COL24A1: variants seen among roughly 807,000 people sequenced by gnomAD.
COL24A1 encodes collagen type XXIV alpha 1 chain.
Under a neutral mutation model 253.9 loss-of-function variants are expected in COL24A1, and 224 were observed. The ratio of observed to expected loss-of-function variants is 0.88; its 90% CI spans 0.79 to 0.99. COL24A1 has a LOEUF of 0.99. COL24A1 is among the 50% of genes least tolerant of loss of function. COL24A1 has a pLI of 0.00. For missense variants in COL24A1, 2,131 were observed against 2,068.5 expected (o/e 1.03, Z -0.59); for synonymous variants, 685 against 673.7 (o/e 1.02, Z -0.26).
Position 85,730,473 on chromosome 1 carries a change from T to C in COL24A1, c.*73A>G, listed in dbSNP as rs374890650. ...TTACATGCATTTCATAATGACTGTATCTGTCTGTCTTATTTCTCCCTCTGC... is the reference window on the plus strand; with the variant it reads ...TTACATGCATTTCATAATGACTGTACCTGTCTGTCTTATTTCTCCCTCTGC... On this transcript the variant is annotated 3_prime_UTR_variant, in exon 60 of 60. Transcript: ENST00000370571. The C allele has an allele frequency of 8.0e-6, 12 of 1,493,158 alleles. No homozygotes were observed. In the East Asian group the frequency reaches 1.6e-4, roughly 20 times the overall value. 92.5% of individuals were successfully genotyped at this position (1,493,158 alleles called of 1,614,324 possible).
intron 4 of COL24A1, 118 bp downstream of exon 4, chr1:86,115,207 T>C (rs576673414): frequency 3.2e-6 from 3 of 940,182 alleles, no homozygotes; most frequent in Admixed American, 5.4e-5. Flanking sequence ...AAGGTAGGAC[T>C]AAGTTTGAAG....
chr1:86,139,732 T>C (rs1333824764), intron 2 of COL24A1, among the ~76,000 whole-genome samples: 1 of 152,194 alleles, frequency 6.6e-6, no homozygotes, highest in East Asian at 1.9e-4. Context: ...ATCCCAAAGC[T>C]ATATTCTTTC....
chr1:85,957,193 G>T (rs1040963128), intron 24 of COL24A1, among the ~76,000 whole-genome samples: 8 of 152,224 alleles, frequency 5.3e-5, no homozygotes, highest in African/African-American at 1.9e-4. Context: ...CCTGTCAGGG[G>T]ATGGGGTGCA....
chr1:85,818,014 G>T lies in COL24A1; in HGVS notation c.3843+20C>A, dbSNP rs1455702557. 1 of 1,610,378 alleles carries T rather than the reference G, an allele frequency of 6.2e-7. No individual in the cohort carries two copies. The highest frequency in any genetic ancestry group is 1.1e-5 in the South Asian group (1 of 90,896). On this transcript the variant is annotated intron_variant, in intron 46 of 59. Transcript: ENST00000370571. ...TTCCATTTAGAAAAGCAAGAAAGAT[G>T]AAAGAGGCCTGTTACTTACAGGAAT...
chr1:85,799,211 AAAAG>A (rs139787428), intron 47 of COL24A1, among the ~76,000 whole-genome samples: 40,520 of 137,234 alleles, frequency 0.3, 6,480 homozygotes, highest in Non-Finnish European at 0.36. Flanking sequence ...TTGGCCACAT[AAAAG>A]AAAGAAAGAA....
At chr1:86,091,997 A>G (rs924204619) in intron 6 of COL24A1, among the ~76,000 whole-genome samples, 14 of 152,066 alleles carry the variant, frequency 9.2e-5, no homozygotes, top group Non-Finnish European at 2.9e-5. Context: ...TGTAATTTTT[A>G]CCCCATCCAC....
intron 58 of COL24A1, chr1:85,736,630 T>C (rs1259839909): frequency 2.6e-6 from 1 of 384,020 alleles, no homozygotes; most frequent in Non-Finnish European, 5.2e-6. Flanking sequence ...GGCGGTTCAA[T>C]AAGAAGCAGC....
At chr1:86,024,229 T>A (rs1425824196) in intron 14 of COL24A1, among the ~76,000 whole-genome samples, 2 of 152,166 alleles carry the variant, frequency 1.3e-5, no homozygotes, top group Non-Finnish European at 2.9e-5. Flanking sequence ...TTACCAGTAC[T>A]AGAATGCACT....
In COL24A1 at chr1:86,115,306, A is replaced by G. The variant is rs530423277; in HGVS notation, c.1545+19T>C. On this transcript the variant is annotated intron_variant, in intron 4 of 59. Transcript: ENST00000370571. ...TACAAATTCTCACTGCCAGCAGGAA[A>G]TATAGCCCATCTACTTACCCGTGGA... 1.7e-4 allele frequency: 274 copies of G among 1,612,392 alleles called. 2 individuals carry two copies. The South Asian group carries it at 2.6e-3, about 15-fold the overall frequency.
At chr1:85,843,948 A>C (rs975353378) in intron 39 of COL24A1, among the ~76,000 whole-genome samples, 7 of 152,122 alleles carry the variant, frequency 4.6e-5, no homozygotes, top group African/African-American at 1.4e-4. Context: ...CCCAAAAATA[A>C]GTGGGGAGAA....
At chr1:86,128,586 C>T (rs1040987204) in intron 2 of COL24A1, among the ~76,000 whole-genome samples, 1 of 151,874 alleles carries the variant, frequency 6.6e-6, no homozygotes, top group Non-Finnish European at 1.5e-5. Flanking sequence ...TCTAGTGCTT[C>T]GAATTTCTGA....
intron 20 of COL24A1, among the ~76,000 whole-genome samples, chr1:85,982,857 T>C (rs1434359652): frequency 2.0e-5 from 3 of 152,036 alleles, no homozygotes; most frequent in African/African-American, 7.2e-5. Flanking sequence ...GCTGACTAAA[T>C]GTTACCTGGA....
Position 86,050,145 on chromosome 1 carries a change from T to A in COL24A1, c.1884A>T (p.Gln628His). 6.2e-7 allele frequency: 1 copy of A among 1,613,480 alleles called. No individual in the cohort carries two copies. The highest frequency in any genetic ancestry group is 2.2e-5 in the East Asian group (1 of 44,824). The part of the protein sequence containing the change: ...GFIGSPGEAG[Q>H]LGPEGERGIP... ...TTACCCGTTCTCCTTCAGGTCCCAGTTGTCCCGCTTCTCCAGGAGAGCCAA... is the reference window on the plus strand; with the variant it reads ...TTACCCGTTCTCCTTCAGGTCCCAGATGTCCCGCTTCTCCAGGAGAGCCAA... The change falls in exon 11 of 60, where the codon CAA (glutamine) becomes CAT (histidine). Residue 628 changes from glutamine to histidine, a missense_variant. Gln to His is a conservative substitution (Grantham distance 24). Transcript: ENST00000370571.
At chr1:86,103,615 G>T (rs1255090697) in intron 5 of COL24A1, among the ~76,000 whole-genome samples, 2 of 152,110 alleles carry the variant, frequency 1.3e-5, no homozygotes, top group Non-Finnish European at 2.9e-5. Context: ...GTCTGAAAAG[G>T]ATCTTATTTC....
At chr1:85,745,290 A>G (rs1180378126) in intron 56 of COL24A1, 151 bp downstream of exon 56, 2 of 485,836 alleles carry the variant, frequency 4.1e-6, no homozygotes, top group Non-Finnish European at 7.2e-6. Flanking sequence ...TACCAAAATC[A>G]CTTACTTTGT....
At chr1:85,904,572 A>T (rs1684624907) in intron 28 of COL24A1, among the ~76,000 whole-genome samples, 1 of 152,156 alleles carries the variant, frequency 6.6e-6, no homozygotes. Context: ...TTATTTAATT[A>T]TTCTTCAGCT....
intron 7 of COL24A1, 37 bp downstream of exon 7, chr1:86,089,137 A>AT (rs397941763): frequency 6.5e-7 from 1 of 1,530,782 alleles, no homozygotes; most frequent in Non-Finnish European, 8.8e-7. Context: ...AAAGAAAAAA[A>AT]GAAGAAAAAA....
chr1:86,021,837 G>T (rs1697568251), intron 18 of COL24A1, among the ~76,000 whole-genome samples: 1 of 151,856 alleles, frequency 6.6e-6, no homozygotes, highest in South Asian at 2.1e-4. Flanking sequence ...AGAATATTTT[G>T]GTCCACAAGA....
At chr1:85,829,452 GA>G (rs1553190511) in intron 43 of COL24A1, among the ~76,000 whole-genome samples, 1 of 151,450 alleles carries the variant, frequency 6.6e-6, no homozygotes, top group Non-Finnish European at 1.5e-5. Context: ...TGTATTTCCT[GA>G]ATCTGAATGT....
Sources: gnomAD v4.1 joint callset for allele counts (sites outside exome capture counted in the v4.1 genomes callset) on GRCh38, gnomAD v4.1.1 for gene constraint, MANE v1.5 for transcripts, NCBI Gene and HGNC (gene_info 2026-07-23, HGNC 2026-07-21) for gene names.